The following EML6 variants were observed in gnomAD, a reference collection of about 807,000 sequenced individuals.
The protein encoded by EML6 is EMAP like 6.
A neutral mutation model predicts 240.1 loss-of-function variants in EML6; 154 were observed. The ratio of observed to expected loss-of-function variants is 0.64; its 90% CI spans 0.56 to 0.73. EML6 has a LOEUF of 0.73. Among genes scored for constraint, EML6 ranks in the 30% least tolerant of loss-of-function variants. The pLI is 0.00. For synonymous variants in EML6, 1,148 were observed against 899.0 expected (o/e 1.28, Z -4.95); for missense variants, 2,964 against 2,474.6 (o/e 1.20, Z -4.20).
chr2:54,971,955 T>A lies in EML6; in HGVS notation c.*1860T>A, dbSNP rs1677045510. The A allele has an allele frequency of 6.6e-6, 1 of 152,222 alleles. No individual in the cohort carries two copies. The highest frequency in any genetic ancestry group is 1.5e-5 in the Non-Finnish European group (1 of 68,044). The allele number at this position is 152,222 out of a possible 1,614,324, so 9.4% of individuals were successfully genotyped here. A position where few individuals can be genotyped will look rare whatever the true frequency, so the allele number is the denominator to read the frequency against. ...TGAGTTAAAACATTGGTGCATGAAT[T>A]TATTTTCAAAGTATAAAACACATCA... On this transcript the variant is annotated 3_prime_UTR_variant, in exon 42 of 42. Transcript: ENST00000356458.
chr2:54,895,255 T>G lies in EML6; in HGVS notation c.2855-18T>G. On this transcript the variant is annotated intron_variant, in intron 20 of 41. Transcript: ENST00000356458. ...GTTGTTTTTGTTATTGTGTTAAATA[T>G]ACCATCCCCTTCCCCAGGCTTGCTT... 1 of 1,551,310 alleles carries G rather than the reference T, an allele frequency of 6.4e-7. No individual in the cohort carries two copies. The highest frequency in any genetic ancestry group is 2.4e-5 in the East Asian group (1 of 40,914).
chr2:54,810,806 A>G (rs973299318), intron 2 of EML6, among the ~76,000 whole-genome samples: 1 of 152,124 alleles, frequency 6.6e-6, no homozygotes, highest in Non-Finnish European at 1.5e-5. Context: ...CACGGAGCAT[A>G]CAATCTAGTC....
intron 5 of EML6, among the ~76,000 whole-genome samples, chr2:54,825,711 CTA>C (rs1668554897): frequency 1.3e-5 from 2 of 152,196 alleles, no homozygotes; most frequent in East Asian, 1.9e-4. Flanking sequence ...AGGCATCCCT[CTA>C]TTCCTTAACC....
chr2:54,880,353 C>G (rs1331275684), intron 17 of EML6: 1 of 152,204 alleles, frequency 6.6e-6, no homozygotes, highest in South Asian at 2.1e-4. Flanking sequence ...CCTCCCTGCT[C>G]GTTCTTCTCT....
intron 24 of EML6, among the ~76,000 whole-genome samples, chr2:54,907,423 G>C (rs562198649): frequency 6.6e-6 from 1 of 152,134 alleles, no homozygotes; most frequent in East Asian, 1.9e-4. Context: ...CAGGAGAATC[G>C]CTTGAACCGG....
At chr2:54,897,266 A>C (rs1215785145) in intron 21 of EML6, among the ~76,000 whole-genome samples, 1 of 152,154 alleles carries the variant, frequency 6.6e-6, no homozygotes, top group South Asian at 2.1e-4. Context: ...AATATGTTTT[A>C]TGCTTGACCA....
chr2:54,902,484 C>T (rs1673110199), intron 22 of EML6, among the ~76,000 whole-genome samples: 1 of 152,190 alleles, frequency 6.6e-6, no homozygotes, highest in South Asian at 2.1e-4. Flanking sequence ...ACTGCACCCT[C>T]CACCTCCAAA....
In EML6 at chr2:54,917,164, A is replaced by G. The variant is rs114685093; in HGVS notation, c.3675+229A>G. On this transcript the variant is annotated intron_variant, in intron 26 of 41. Transcript: ENST00000356458. The stretch of plus-strand genomic sequence containing the variant: ...AGGCCTTCAGTGGTCACCAAATCCA[A>G]CATCTCACAAACTGCAAAGTAAGTG... Among the ~76,000 whole-genome samples, 458 of 152,300 alleles carry G rather than the reference A, an allele frequency of 3.0e-3. 4 individuals carry two copies. Among genetic ancestry groups the G allele is most frequent in the Middle Eastern group, 0.014 (4 of 294 alleles).
At chr2:54,801,403 C>G (rs1322271497) in intron 2 of EML6, among the ~76,000 whole-genome samples, 1 of 151,804 alleles carries the variant, frequency 6.6e-6, no homozygotes, top group Non-Finnish European at 1.5e-5. Flanking sequence ...GAAAAGTGGG[C>G]TGGGTCAGCC....
At position 54,863,843 on chromosome 2, in the gene EML6, T is replaced by TG; in HGVS notation, c.1888dup (p.Asp630GlyfsTer3). Reference sequence around the variant, plus strand: ...TCAGATTTATCTGATGTGCCCGAACTGGACTCTGATATTGAGCAAGAAGCT... The same window carrying TG: ...TCAGATTTATCTGATGTGCCCGAACTGGGACTCTGATATTGAGCAAGAAGCT... On this transcript the variant is annotated frameshift_variant, in exon 13 of 42. Transcript: ENST00000356458. LOFTEE classifies it high-confidence loss of function. 1 of 1,549,248 alleles carries TG rather than the reference T, an allele frequency of 6.5e-7. No homozygotes were observed. The highest frequency in any genetic ancestry group is 8.7e-7 in the Non-Finnish European group (1 of 1,145,918).
chr2:54,823,856 CTCTCTCTCTCTCTCTCTCTCTTTCTG>C (rs1224603546), intron 5 of EML6, among the ~76,000 whole-genome samples: 1 of 146,140 alleles, frequency 6.8e-6, no homozygotes, highest in African/African-American at 2.7e-5. Context: ...TTCATTCTCT[CTCTCTCTCTCTCTCTCTCTCTTTCTG>C]TCTCTCTCTC....
intron 11 of EML6, among the ~76,000 whole-genome samples, chr2:54,856,983 G>C (rs951989217): frequency 2.0e-5 from 3 of 152,178 alleles, no homozygotes; most frequent in Non-Finnish European, 1.5e-5. Flanking sequence ...GCAGAGCTGA[G>C]GGTCTTACAG....
At chr2:54,770,055 C>G (rs933354559) in intron 2 of EML6, among the ~76,000 whole-genome samples, 1 of 152,068 alleles carries the variant, frequency 6.6e-6, no homozygotes. Context: ...TGAAGAAGCC[C>G]TTTAATATTT....
chr2:54,971,044 C>T lies in EML6; in HGVS notation c.*949C>T, dbSNP rs770886066. ...TCTATGAGAATGAGCTGACTTATCT[C>T]GTTAAATCTTAAGATAAATGAGGGT... On this transcript the variant is annotated 3_prime_UTR_variant, in exon 42 of 42. Coordinates refer to ENST00000356458, the MANE Select transcript of EML6 (RefSeq NM_001039753.4). 2.6e-5 allele frequency: 4 copies of T among 152,156 alleles called. No homozygotes were observed. Among genetic ancestry groups the T allele is most frequent in the Admixed American group, 6.5e-5 (1 of 15,272 alleles). The allele number at this position is 152,156 out of a possible 1,614,324, so 9.4% of individuals were successfully genotyped here.
rs967732825 is a variant in EML6 at position 54,915,335 on chromosome 2, G to A, written c.3499-1424G>A. Among the ~76,000 whole-genome samples the A allele has an allele frequency of 2.6e-5, 4 of 152,140 alleles. No individual in the cohort carries two copies. In the East Asian group the frequency reaches 5.8e-4, roughly 22 times the overall value. On this transcript the variant is annotated intron_variant, in intron 25 of 41. Transcript: ENST00000356458. ...AGGCCAGCATCACTGTAGGGATTGC[G>A]AGTGGACTAGGAGAGTCTTAGAGAT...
chr2:54,880,973 ATAG>A (rs1371130701), intron 17 of EML6: 1 of 152,174 alleles, frequency 6.6e-6, no homozygotes, highest in Non-Finnish European at 1.5e-5. Context: ...TAATATTAAA[ATAG>A]TATATATTTT....
intron 32 of EML6, among the ~76,000 whole-genome samples, chr2:54,954,703 T>G (rs1268862872): frequency 6.6e-6 from 1 of 152,122 alleles, no homozygotes; most frequent in Non-Finnish European, 1.5e-5. Context: ...CCTCCCCCAA[T>G]ACATGCACAC....
intron 2 of EML6, among the ~76,000 whole-genome samples, chr2:54,800,827 G>A (rs560281244): frequency 6.6e-6 from 1 of 152,190 alleles, no homozygotes; most frequent in East Asian, 1.9e-4. Flanking sequence ...TAATAGACAT[G>A]TAGGATCCTC....
At chr2:54,856,303 G>A (rs973181932) in intron 11 of EML6, among the ~76,000 whole-genome samples, 10 of 152,136 alleles carry the variant, frequency 6.6e-5, no homozygotes, top group African/African-American at 2.4e-4. Flanking sequence ...CTTGCTCAAT[G>A]ACAATTTTCC....
Sources: gnomAD v4.1 joint callset for allele counts (sites outside exome capture counted in the v4.1 genomes callset) on GRCh38, gnomAD v4.1.1 for gene constraint, MANE v1.5 for transcripts, NCBI Gene and HGNC (gene_info 2026-07-23, HGNC 2026-07-21) for gene names.